The following CSGALNACT1 variants were observed in gnomAD, a reference collection of about 807,000 sequenced individuals.
The protein encoded by CSGALNACT1 is beta4GalNAcT-1.
Under a neutral mutation model 51.0 loss-of-function variants are expected in CSGALNACT1, and 52 were observed. The observed-to-expected ratio is 1.02, with a 90% CI of 0.82 to 1.29. The LOEUF is 1.29. CSGALNACT1 is among the 50% of genes most tolerant of loss of function. The probability of loss-of-function intolerance (pLI) is 0.00; values close to 1 mark genes in which losing one functional copy is unlikely to be tolerated. For missense variants in CSGALNACT1, 935 were observed against 679.2 expected, an observed-to-expected ratio of 1.38 and a Z score of -4.19; for synonymous variants, 341 against 254.4, an observed-to-expected ratio of 1.34 and a Z score of -3.24.
At chr8:19,568,274 T>A (rs2042291290) in intron 3 of CSGALNACT1, among the ~76,000 whole-genome samples, 1 of 152,196 alleles carries the variant, frequency 6.6e-6, no homozygotes, top group South Asian at 2.1e-4. Context: ...GCTGTAAACC[T>A]GTAAAGCATG....
intron 2 of CSGALNACT1, among the ~76,000 whole-genome samples, chr8:19,596,131 G>A (rs1353767985): frequency 6.6e-6 from 1 of 152,104 alleles, no homozygotes; most frequent in African/African-American, 2.4e-5. Context: ...GCCTTCCAGA[G>A]TGTTGAGATT....
chr8:19,429,047 A>C (rs12542575), intron 6 of CSGALNACT1, among the ~76,000 whole-genome samples: 1 of 151,916 alleles, frequency 6.6e-6, no homozygotes, highest in Non-Finnish European at 1.5e-5. Context: ...CCTATACCCA[A>C]GAAACAGTCA....
At chr8:19,701,160 T>TTTTTTTTTTC (rs1554812772) in intron 1 of CSGALNACT1, among the ~76,000 whole-genome samples, 1,579 of 140,726 alleles carry the variant, frequency 0.011, 97 homozygotes, top group South Asian at 0.039. Flanking sequence ...TCCGTTTTTT[T>TTTTTTTTTTC]TTTTTTTTTT....
intron 8 of CSGALNACT1, 58 bp from the exon 8 acceptor site, chr8:19,408,752 TTCACAAAC>T (rs1166374005): frequency 1.3e-6 from 2 of 1,486,204 alleles, no homozygotes; most frequent in African/African-American, 2.8e-5. Flanking sequence ...AAATAGAGTG[TTCACAAAC>T]TCCTGTGAGC....
At chr8:19,411,522 G>A (rs547923276) in intron 8 of CSGALNACT1, among the ~76,000 whole-genome samples, 6 of 152,194 alleles carry the variant, frequency 3.9e-5, no homozygotes, top group South Asian at 4.1e-4. Context: ...CAAGATGTTC[G>A]CCAGCAAGTG....
chr8:19,594,279 T>C (rs550121120), intron 2 of CSGALNACT1, among the ~76,000 whole-genome samples: 2 of 152,122 alleles, frequency 1.3e-5, no homozygotes, highest in Non-Finnish European at 2.9e-5. Flanking sequence ...TGTCACAATA[T>C]AGAAATAAGG....
chr8:19,675,700 G>A (rs917914890), intron 1 of CSGALNACT1, among the ~76,000 whole-genome samples: 1 of 151,960 alleles, frequency 6.6e-6, no homozygotes, highest in Admixed American at 6.6e-5. Context: ...CACTGTGTTG[G>A]CCAGGCTGGT....
intron 1 of CSGALNACT1, among the ~76,000 whole-genome samples, chr8:19,722,639 C>G (rs570384780): frequency 4.4e-4 from 67 of 152,322 alleles, no homozygotes; most frequent in Non-Finnish European, 7.6e-4. Context: ...GCTGGCCACT[C>G]TGCAGGGGAC....
intron 1 of CSGALNACT1, among the ~76,000 whole-genome samples, chr8:19,658,401 T>C (rs549720782): frequency 6.6e-6 from 1 of 152,284 alleles, no homozygotes; most frequent in East Asian, 1.9e-4. Context: ...TGTTTCAAGA[T>C]AATAGTTACT....
At chr8:19,681,117 G>A (rs2060586445) in intron 1 of CSGALNACT1, among the ~76,000 whole-genome samples, 1 of 152,062 alleles carries the variant, frequency 6.6e-6, no homozygotes, top group Non-Finnish European at 1.5e-5. Flanking sequence ...GATATGAAGG[G>A]ACGACCTTAC....
intron 3 of CSGALNACT1, among the ~76,000 whole-genome samples, chr8:19,589,635 A>T (rs1033366946): frequency 1.1e-4 from 16 of 152,176 alleles, no homozygotes; most frequent in Admixed American, 8.5e-4. Context: ...ACAGTCTAGG[A>T]AAGTTTTTTC....
intron 6 of CSGALNACT1, among the ~76,000 whole-genome samples, chr8:19,430,658 A>G (rs932404486): frequency 5.3e-5 from 8 of 152,268 alleles, no homozygotes; most frequent in African/African-American, 1.9e-4. Context: ...TTGTTCTGTT[A>G]AGATTGTTCT....
At chr8:19,733,770 C>T (rs2063815468) in intron 1 of CSGALNACT1, among the ~76,000 whole-genome samples, 1 of 152,174 alleles carries the variant, frequency 6.6e-6, no homozygotes, top group Admixed American at 6.5e-5. Flanking sequence ...CATTTTGCTT[C>T]TGCTCATATG....
intron 3 of CSGALNACT1, among the ~76,000 whole-genome samples, chr8:19,540,066 G>A (rs2084734051): frequency 2.0e-5 from 3 of 152,158 alleles, no homozygotes. Context: ...TAAAGATCAT[G>A]AATTCCTAAC....
intron 1 of CSGALNACT1, among the ~76,000 whole-genome samples, chr8:19,673,904 T>G (rs1430310640): frequency 6.6e-6 from 1 of 152,256 alleles, no homozygotes; most frequent in Non-Finnish European, 1.5e-5. Context: ...GGCACTATTC[T>G]AGGCACCCAA....
intron 4 of CSGALNACT1, among the ~76,000 whole-genome samples, chr8:19,481,217 A>C (rs1210332236): frequency 6.6e-6 from 1 of 151,862 alleles, no homozygotes; most frequent in Non-Finnish European, 1.5e-5. Flanking sequence ...CAGTCTTCTC[A>C]TTTCCTGAAT....
intron 4 of CSGALNACT1, among the ~76,000 whole-genome samples, chr8:19,467,072 G>A (rs572660436): frequency 5.3e-4 from 78 of 146,752 alleles, no homozygotes; most frequent in African/African-American, 1.9e-3. Context: ...AACTCACTTA[G>A]AGTGCCTTCT....
intron 3 of CSGALNACT1, among the ~76,000 whole-genome samples, chr8:19,571,402 A>G (rs1297272407): frequency 6.6e-6 from 1 of 152,004 alleles, no homozygotes; most frequent in Non-Finnish European, 1.5e-5. Context: ...TACTGACTTA[A>G]GCCTGGTGCC....
intron 4 of CSGALNACT1, among the ~76,000 whole-genome samples, chr8:19,474,036 G>T (rs1158123745): frequency 6.6e-6 from 1 of 152,158 alleles, no homozygotes; most frequent in African/African-American, 2.4e-5. Context: ...TCTCAAACTG[G>T]TACATTGTAA....
Sources: gnomAD v4.1 joint callset for allele counts (sites outside exome capture counted in the v4.1 genomes callset) on GRCh38, gnomAD v4.1.1 for gene constraint, MANE v1.5 for transcripts, NCBI Gene and HGNC (gene_info 2026-07-23, HGNC 2026-07-21) for gene names.